Variants in KAT6B observed in about 807,000 individuals in gnomAD.
The protein encoded by KAT6B is lysine acetyltransferase 6B.
Under a neutral mutation model 187.5 loss-of-function variants are expected in KAT6B, and 10 were observed. The observed-to-expected ratio is 0.05, with a 90% confidence interval of 0.03 to 0.09. The LOEUF is 0.09. KAT6B is among the 10% of genes least tolerant of loss of function. The probability of loss-of-function intolerance (pLI) is 1.00; values close to 1 mark genes in which losing one functional copy is unlikely to be tolerated. For missense variants in KAT6B, 1,952 were observed against 2,558.9 expected (o/e 0.76, Z 5.12); for synonymous variants, 861 against 926.8 (o/e 0.93, Z 1.29).
chr10:74,833,134 CAAAAAAAA>C (rs905808106), intron 1 of KAT6B, among the ~76,000 whole-genome samples: 2 of 52,320 alleles, frequency 3.8e-5, no homozygotes, highest in South Asian at 7.7e-4. Flanking sequence ...GACTCTGTCT[CAAAAAAAA>C]AAAAAAAAAA....
chr10:74,863,418 G>A (rs149455016), intron 3 of KAT6B, among the ~76,000 whole-genome samples: 161 of 152,136 alleles, frequency 1.1e-3, no homozygotes, highest in African/African-American at 3.3e-3. Flanking sequence ...AAATAATACC[G>A]CTACTAAAAA....
At chr10:74,942,530 C>T (rs375590022) in intron 3 of KAT6B, among the ~76,000 whole-genome samples, 3 of 152,016 alleles carry the variant, frequency 2.0e-5, no homozygotes, top group Middle Eastern at 3.4e-3. Context: ...CTTTGGGAGG[C>T]GGAGGCAAGC....
At chr10:74,881,825 T>A (rs888836153) in intron 3 of KAT6B, among the ~76,000 whole-genome samples, 3 of 152,162 alleles carry the variant, frequency 2.0e-5, no homozygotes. Flanking sequence ...GGCTAATTTT[T>A]AAAATTATTT....
At chr10:74,951,097 G>T (rs1840287434) in intron 3 of KAT6B, among the ~76,000 whole-genome samples, 1 of 151,678 alleles carries the variant, frequency 6.6e-6, no homozygotes. Context: ...ATTTTACTTG[G>T]CTTCCTTCTT....
Position 75,029,493 on chromosome 10 carries a change from G to A in KAT6B, c.4669G>A (p.Asp1557Asn), listed in dbSNP as rs772986982. The change falls in exon 18 of 18, where the codon GAC becomes AAC. Residue 1557 changes from aspartate to asparagine, a missense_variant. Physicochemically the swap from Asp to Asn is conservative, Grantham distance 23 (BLOSUM62 1). Around this residue, in one of 9 missense-constraint regions of KAT6B, gnomAD observed 758 missense variants for 891.4 expected, o/e 0.85. Transcript: ENST00000287239. The surrounding 1 kb of genome is among the most constrained non-coding windows in gnomAD (Gnocchi z 6.2). ...SLTQESSEQD[D>N]TFQDCAETQE... ...GACCCAGGAGAGCAGCGAACAGGAC[G>A]ACACCTTTCAGGATTGTGCCGAGAC... The A allele has an allele frequency of 6.2e-6, 10 of 1,614,024 alleles. No individual in the cohort carries two copies. The highest frequency in any genetic ancestry group is 2.7e-5 in the African/African-American group (2 of 74,880).
intron 1 of KAT6B, among the ~76,000 whole-genome samples, chr10:74,828,481 C>A (rs1443137386): frequency 1.4e-5 from 2 of 145,406 alleles, no homozygotes; most frequent in Non-Finnish European, 3.0e-5. Flanking sequence ...AAAGTGCATT[C>A]TTCCTGTCTT....
intron 3 of KAT6B, among the ~76,000 whole-genome samples, chr10:74,861,003 G>A (rs568674794): frequency 4.6e-5 from 7 of 152,194 alleles, no homozygotes; most frequent in Non-Finnish European, 1.0e-4. Flanking sequence ...CGGGCGTGGT[G>A]GCACATGCCT....
rs74561057 is a variant in KAT6B at position 74,836,276 on chromosome 10, A to G, written c.-328-2407A>G. Among the ~76,000 whole-genome samples the G allele has an allele frequency of 9.0e-3, 1,365 of 152,344 alleles. 21 individuals carry two copies. The highest frequency in any genetic ancestry group is 0.031 in the African/African-American group (1,307 of 41,572). On this transcript the variant is annotated intron_variant, in intron 1 of 17. Coordinates refer to ENST00000287239, the MANE Select transcript of KAT6B (RefSeq NM_012330.4). ...TACTGTGAATAGTTTTGTTATGAAC[A>G]TGGGTGTACGTGTACTTATTTGAGT...
At chr10:74,834,267 G>A (rs1242938390) in intron 1 of KAT6B, among the ~76,000 whole-genome samples, 3 of 149,458 alleles carry the variant, frequency 2.0e-5, no homozygotes, top group Non-Finnish European at 4.4e-5. Context: ...GCGCGATCTC[G>A]GCTCACTGCA....
chr10:74,927,920 C>T (rs1004718277), intron 3 of KAT6B, among the ~76,000 whole-genome samples: 1 of 152,114 alleles, frequency 6.6e-6, no homozygotes, highest in South Asian at 2.1e-4. Flanking sequence ...CTTATGTAAG[C>T]CAAACCAGAT....
intron 3 of KAT6B, among the ~76,000 whole-genome samples, chr10:74,926,553 AATAACCT>A (rs1848517646): frequency 2.0e-5 from 3 of 152,244 alleles, no homozygotes; most frequent in Non-Finnish European, 4.4e-5. Flanking sequence ...AATCATTTTA[AATAACCT>A]GACGGAGGTC....
chr10:74,961,892 C>T (rs1841120340), intron 4 of KAT6B, among the ~76,000 whole-genome samples: 1 of 152,094 alleles, frequency 6.6e-6, no homozygotes, highest in Non-Finnish European at 1.5e-5. Flanking sequence ...GGATACTGTC[C>T]AGAGGGTTTA....
chr10:75,019,073 C>T (rs1001846844), intron 13 of KAT6B, among the ~76,000 whole-genome samples: 1 of 152,190 alleles, frequency 6.6e-6, no homozygotes, highest in African/African-American at 2.4e-5. Flanking sequence ...GGGCTGGCTT[C>T]GGCACAGTGG....
chr10:74,939,973 A>C (rs1254793131), intron 3 of KAT6B, among the ~76,000 whole-genome samples: 1 of 152,146 alleles, frequency 6.6e-6, no homozygotes, highest in African/African-American at 2.4e-5. Flanking sequence ...TGAGACTGGG[A>C]CTGGGTTGAG....
chr10:74,873,065 C>T (rs191687391), intron 3 of KAT6B, among the ~76,000 whole-genome samples: 11 of 152,204 alleles, frequency 7.2e-5, no homozygotes, highest in Admixed American at 7.2e-4. Context: ...TCAAATGATT[C>T]ACAAAAGAGA....
chr10:74,884,089 A>G (rs745909910), intron 3 of KAT6B, among the ~76,000 whole-genome samples: 4 of 152,224 alleles, frequency 2.6e-5, no homozygotes, highest in Non-Finnish European at 5.9e-5. Context: ...TTATTCCAAC[A>G]TATATACTCA....
intron 1 of KAT6B, among the ~76,000 whole-genome samples, chr10:74,833,622 T>C (rs1841046886): frequency 6.6e-6 from 1 of 152,258 alleles, no homozygotes. Flanking sequence ...AGTTTATTGA[T>C]GGTTCAGTTA....
intron 13 of KAT6B, among the ~76,000 whole-genome samples, chr10:74,996,345 C>T (rs1357932270): frequency 6.6e-6 from 1 of 152,092 alleles, no homozygotes; most frequent in African/African-American, 2.4e-5. Flanking sequence ...ACATTCTAGG[C>T]AGAGGGGAGC....
intron 12 of KAT6B, among the ~76,000 whole-genome samples, chr10:74,988,595 G>A (rs755045407): frequency 6.6e-6 from 1 of 152,198 alleles, no homozygotes; most frequent in Non-Finnish European, 1.5e-5. Context: ...ACAGATTGCT[G>A]TTGCAGAGTT....
Sources: gnomAD v4.1 joint callset for allele counts (sites outside exome capture counted in the v4.1 genomes callset) on GRCh38, gnomAD v4.1.1 for gene constraint, gnomAD v4.1.1 regional missense constraint, Gnocchi (gnomAD v3.1) non-coding constraint, MANE v1.5 for transcripts, NCBI Gene and HGNC (gene_info 2026-07-23, HGNC 2026-07-21) for gene names.